Variants in PDE4DIP observed in about 807,000 individuals in gnomAD.
The protein encoded by PDE4DIP is myomegalin.
A neutral mutation model predicts 221.4 loss-of-function variants in PDE4DIP; 59 were observed. The ratio of observed to expected loss-of-function variants is 0.27; its 90% confidence interval spans 0.22 to 0.33. The LOEUF is 0.33. PDE4DIP is among the 10% of genes least tolerant of loss of function. The probability of loss-of-function intolerance (pLI) is 1.00; values close to 1 mark genes in which losing one functional copy is unlikely to be tolerated. For missense variants in PDE4DIP, 1,036 were observed against 2,154.2 expected (o/e 0.48, Z 10.28); for synonymous variants, 404 against 815.9 (o/e 0.50, Z 8.60).
intron 30 of PDE4DIP, 74 bp from the exon 34 acceptor site, chr1:149,010,369 T>C (rs1442651295): frequency 1.9e-5 from 26 of 1,367,180 alleles, no homozygotes; most frequent in Non-Finnish European, 2.5e-5. Flanking sequence ...CTGGTACCCC[T>C]GGGTAAACAT....
intron 5 of PDE4DIP, chr1:148,952,176 G>A: frequency 9.6e-7 from 1 of 1,037,114 alleles, no homozygotes; most frequent in Non-Finnish European, 1.2e-6. Context: ...GCAGATGAAA[G>A]CGGCTGGCTG....
intron 9 of PDE4DIP, among the ~76,000 whole-genome samples, 169 bp from the exon 13 acceptor site, chr1:148,965,315 A>C (rs1256001148): frequency 1.3e-5 from 2 of 151,754 alleles, no homozygotes; most frequent in Non-Finnish European, 2.9e-5. Flanking sequence ...CAACTTTTAC[A>C]ATTTTCCATA....
At chr1:148,937,339 G>A (rs1345165429) in intron 4 of PDE4DIP, among the ~76,000 whole-genome samples, 3 of 152,178 alleles carry the variant, frequency 2.0e-5, no homozygotes, top group African/African-American at 7.2e-5. Flanking sequence ...GCAAAACAGC[G>A]ATTGTTTCTT....
chr1:148,826,040 G>A (rs1478806397), intron 1 of PDE4DIP, among the ~76,000 whole-genome samples: 1 of 84,332 alleles, frequency 1.2e-5, no homozygotes. Context: ...ATTTTGGCAC[G>A]CTTTAAACTT....
exon 30 of PDE4DIP, chr1:149,009,721 C>G: frequency 6.2e-7 from 1 of 1,613,970 alleles, no homozygotes. Context: ...AACTGGAAGC[C>G]TGCTCTGACA....
chr1:148,829,166 C>T (rs12040204), intron 1 of PDE4DIP, among the ~76,000 whole-genome samples: 1 of 136,466 alleles, frequency 7.3e-6, no homozygotes, highest in East Asian at 2.1e-4. Flanking sequence ...CTTGCCAATG[C>T]TTTGGTCTCA....
intron 1 of PDE4DIP, among the ~76,000 whole-genome samples, chr1:148,820,998 C>T (rs1553360293): frequency 6.7e-6 from 1 of 150,200 alleles, no homozygotes; most frequent in Non-Finnish European, 1.5e-5. Context: ...ATTACAGGCA[C>T]CCAATACCTC....
At chr1:148,820,883 C>G (rs1350248697) in intron 1 of PDE4DIP, among the ~76,000 whole-genome samples, 1 of 145,900 alleles carries the variant, frequency 6.9e-6, no homozygotes, top group Non-Finnish European at 1.5e-5. Flanking sequence ...GGCGGAGTCT[C>G]GCTGTTGCCC....
Position 148,939,696 on chromosome 1 carries a change from G to A in PDE4DIP, c.636+1832G>A, listed in dbSNP as rs587673585. On this transcript the variant is annotated intron_variant, in intron 5 of 43. Transcript: ENST00000369354. ...CTTAAGGGACTCTTGAAAATATTTC[G>A]TAATACATTTAATTAGAAAAAGCTC... is the stretch of plus-strand genomic sequence containing the variant. 2.6e-4 allele frequency: 40 copies of A among 152,242 alleles called. No individual in the cohort carries two copies. In the East Asian group the frequency reaches 5.0e-3, roughly 19 times the overall value. The allele number at this position is 152,242 out of a possible 1,614,324, so 9.4% of individuals were successfully genotyped here.
At chr1:148,951,993 G>T (rs868981788) in intron 5 of PDE4DIP, 4 of 937,522 alleles carry the variant, frequency 4.3e-6, no homozygotes, top group Middle Eastern at 5.2e-4. Flanking sequence ...AAGCGGGGGC[G>T]GCGCGCAGCG....
intron 31 of PDE4DIP, 136 bp from the exon 35 acceptor site, chr1:149,012,455 C>T (rs2068853090): frequency 3.5e-6 from 2 of 570,972 alleles, no homozygotes; most frequent in East Asian, 2.9e-5. Flanking sequence ...TTATCCTGTA[C>T]CACACTAGAT....
intron 1 of PDE4DIP, among the ~76,000 whole-genome samples, chr1:148,832,727 AT>A (rs1193520697): frequency 6.7e-6 from 1 of 150,266 alleles, no homozygotes; most frequent in Non-Finnish European, 1.5e-5. Context: ...TTATATGCTG[AT>A]TACGTTTATT....
chr1:148,914,391 CCAA>C (rs2043381260), intron 1 of PDE4DIP, among the ~76,000 whole-genome samples: 2 of 151,414 alleles, frequency 1.3e-5, no homozygotes, highest in African/African-American at 4.8e-5. Context: ...CTTTGGGAGG[CCAA>C]GGTGGGCCAA....
chr1:148,920,054 C>T (rs1242146120), intron 1 of PDE4DIP, among the ~76,000 whole-genome samples: 2 of 148,594 alleles, frequency 1.3e-5, no homozygotes, highest in East Asian at 3.9e-4. Flanking sequence ...ATCTCCAATA[C>T]TTTCTTGTCG....
At chr1:148,981,181 A>G (rs1232876524) in intron 20 of PDE4DIP, 89 bp from the exon 24 acceptor site, 1 of 1,194,878 alleles carries the variant, frequency 8.4e-7, no homozygotes, top group African/African-American at 1.5e-5. Flanking sequence ...TGTGGCTCAA[A>G]GTGGTATTGA....
exon 44 of PDE4DIP, chr1:149,032,374 C>G (rs2076949956): frequency 3.9e-6 from 2 of 507,338 alleles, no homozygotes. Context: ...ATATAGGACC[C>G]TGATTCCGAT....
chr1:148,969,759 T>C (rs587646016), intron 14 of PDE4DIP, among the ~76,000 whole-genome samples: 1 of 149,130 alleles, frequency 6.7e-6, no homozygotes, highest in South Asian at 2.1e-4. Context: ...CCAGCTGGAG[T>C]GCGATGGCGC....
chr1:148,950,131 A>G (rs1264433089), intron 5 of PDE4DIP, among the ~76,000 whole-genome samples: 1 of 152,144 alleles, frequency 6.6e-6, no homozygotes, highest in African/African-American at 2.4e-5. Context: ...ACTTTGTTTC[A>G]TTCACATTTT....
chr1:149,025,968 TGTTCA>T (rs1386338169), intron 38 of PDE4DIP: 9 of 151,908 alleles, frequency 5.9e-5, no homozygotes, highest in Admixed American at 3.3e-4. Flanking sequence ...ATGGTTGTGG[TGTTCA>T]GTTATGTCTC....
Sources: gnomAD v4.1 joint callset for allele counts (sites outside exome capture counted in the v4.1 genomes callset) on GRCh38, gnomAD v4.1.1 for gene constraint, MANE v1.5 for transcripts, NCBI Gene and HGNC (gene_info 2026-07-23, HGNC 2026-07-21) for gene names.